The following PRR16 variants were observed in gnomAD, a reference collection of about 807,000 sequenced individuals.
PRR16 encodes protein Largen.
Under a neutral mutation model 18.2 loss-of-function variants are expected in PRR16, and 6 were observed. The ratio of observed to expected loss-of-function variants is 0.33; its 90% CI spans 0.18 to 0.65. The LOEUF is 0.65. Ranked by LOEUF, PRR16 falls within the 30% of genes least tolerant of loss-of-function variation. The pLI, the probability that PRR16 is intolerant of heterozygous loss-of-function variation, is 0.74. For missense variants in PRR16, 412 were observed against 376.6 expected, an observed-to-expected ratio of 1.09 and a Z score of -0.78; for synonymous variants, 151 against 147.8, an observed-to-expected ratio of 1.02 and a Z score of -0.16.
At chr5:120,762,026 A>G in the PRR16 span, among the ~76,000 whole-genome samples, 1 of 152,064 alleles carries the variant, frequency 6.6e-6, no homozygotes, top group Non-Finnish European at 1.5e-5. Context: ...GTTTTCATGC[A>G]TGTTACTGAA....
intron 1 of PRR16, among the ~76,000 whole-genome samples, chr5:120,498,983 T>A (rs547315741): frequency 6.6e-6 from 1 of 152,224 alleles, no homozygotes; most frequent in African/African-American, 2.4e-5. Context: ...TGAGGTTGAT[T>A]ATGAGGTATC....
chr5:120,792,041 A>G, the PRR16 span, among the ~76,000 whole-genome samples: 1 of 152,202 alleles, frequency 6.6e-6, no homozygotes, highest in Non-Finnish European at 1.5e-5. Flanking sequence ...TCATCCATGA[A>G]GCAATCCATG....
Position 120,466,929 on chromosome 5 carries a change from C to T in PRR16, c.159+2284C>T, listed in dbSNP as rs1295826152. Among the ~76,000 whole-genome samples, 11 of 152,104 alleles carry T rather than the reference C, an allele frequency of 7.2e-5. 1 individual carries two copies. The highest frequency in any genetic ancestry group is 7.2e-4 in the Admixed American group (11 of 15,284). ...TGTGGGTATCATCATCCTAGATTTG[C>T]ACAAGAAAATGTACCTACAATGGCC... On this transcript the variant is annotated intron_variant, in intron 1 of 1. Transcript: ENST00000407149.
At chr5:120,685,706 T>C (rs941730368) in intron 1 of PRR16, among the ~76,000 whole-genome samples, 2 of 152,186 alleles carry the variant, frequency 1.3e-5, no homozygotes, top group African/African-American at 4.8e-5. Context: ...GAGTCAGAAA[T>C]AGAATGTATA....
chr5:120,582,883 T>C (rs1184099706), intron 1 of PRR16, among the ~76,000 whole-genome samples: 1 of 152,248 alleles, frequency 6.6e-6, no homozygotes, highest in African/African-American at 2.4e-5. Context: ...TAATAAATCA[T>C]TCTAAAGCAA....
intron 1 of PRR16, among the ~76,000 whole-genome samples, chr5:120,516,253 A>T (rs1015722636): frequency 9.2e-5 from 14 of 152,020 alleles, no homozygotes; most frequent in Admixed American, 6.6e-4. Flanking sequence ...GCGAAACGCC[A>T]TCTCTACCAA....
chr5:120,717,596 C>T, the PRR16 span, among the ~76,000 whole-genome samples: 2 of 152,062 alleles, frequency 1.3e-5, no homozygotes, highest in Admixed American at 6.6e-5. Flanking sequence ...ATATGCAGTC[C>T]TTTTCTTCTT....
chr5:120,694,617 G>A, the PRR16 span, among the ~76,000 whole-genome samples: 4 of 151,314 alleles, frequency 2.6e-5, no homozygotes, highest in African/African-American at 9.7e-5. Context: ...CCCAGGGGGC[G>A]GAGCTTGCAG....
At chr5:120,629,936 T>A (rs1443219540) in intron 1 of PRR16, among the ~76,000 whole-genome samples, 1 of 152,052 alleles carries the variant, frequency 6.6e-6, no homozygotes, top group Non-Finnish European at 1.5e-5. Context: ...TGGCACTTTA[T>A]CTGTCTCCTC....
At chr5:120,541,388 T>G (rs777337724) in intron 1 of PRR16, among the ~76,000 whole-genome samples, 12 of 151,954 alleles carry the variant, frequency 7.9e-5, no homozygotes, top group Non-Finnish European at 1.6e-4. Context: ...TCAGCTGATC[T>G]GCCCACCTCA....
the PRR16 span, among the ~76,000 whole-genome samples, chr5:120,715,159 T>C: frequency 6.6e-6 from 1 of 152,318 alleles, no homozygotes; most frequent in African/African-American, 2.4e-5. Flanking sequence ...TCTCTTTTGT[T>C]ATCATCTCCT....
At chr5:120,584,781 GT>G (rs1353436423) in intron 1 of PRR16, among the ~76,000 whole-genome samples, 5 of 152,088 alleles carry the variant, frequency 3.3e-5, no homozygotes, top group African/African-American at 1.2e-4. Flanking sequence ...TAAAATAGTA[GT>G]CGTCTGTGTT....
At chr5:120,677,098 C>T (rs998041761) in intron 1 of PRR16, among the ~76,000 whole-genome samples, 2 of 152,166 alleles carry the variant, frequency 1.3e-5, no homozygotes, top group African/African-American at 4.8e-5. Flanking sequence ...TACAGTCTAT[C>T]AGAAATACTG....
intron 1 of PRR16, among the ~76,000 whole-genome samples, chr5:120,608,537 A>G (rs1204182702): frequency 6.6e-6 from 1 of 152,218 alleles, no homozygotes; most frequent in African/African-American, 2.4e-5. Flanking sequence ...ACTGCTTAAC[A>G]GTCCAAATGT....
chr5:120,480,741 T>A (rs536787711), intron 1 of PRR16, among the ~76,000 whole-genome samples: 1 of 152,166 alleles, frequency 6.6e-6, no homozygotes, highest in Non-Finnish European at 1.5e-5. Flanking sequence ...ATGAAGAATA[T>A]ATTTAAGTCT....
At position 120,683,337 on chromosome 5, in the gene PRR16, G is replaced by C. The variant is rs561792211; in HGVS notation, c.160-2617G>C. 3.3e-5 allele frequency among the ~76,000 whole-genome samples: 5 copies of C among 151,604 alleles called. No homozygotes were observed. The South Asian group carries it at 1.0e-3, about 32-fold the overall frequency. On this transcript the variant is annotated intron_variant, in intron 1 of 1. Coordinates refer to ENST00000407149, the MANE Select transcript of PRR16 (RefSeq NM_001300783.2). ...GAAATCCCGTCTCTTTTTGTATTTT[G>C]TAAAAATACAAAAAATTAGGTGGGT...
At chr5:120,669,228 A>G (rs1301809245) in intron 1 of PRR16, among the ~76,000 whole-genome samples, 1 of 152,088 alleles carries the variant, frequency 6.6e-6, no homozygotes, top group African/African-American at 2.4e-5. Flanking sequence ...CCAGTGTTTG[A>G]ATATCTGTAA....
chr5:120,792,309 C>A, the PRR16 span, among the ~76,000 whole-genome samples: 2 of 152,144 alleles, frequency 1.3e-5, no homozygotes, highest in African/African-American at 4.8e-5. Context: ...GAGTTAGAGA[C>A]TGGAGGTGGC....
At chr5:120,712,503 C>T in the PRR16 span, among the ~76,000 whole-genome samples, 18 of 151,492 alleles carry the variant, frequency 1.2e-4, no homozygotes, top group Non-Finnish European at 2.5e-4. Context: ...AAGTAATCAA[C>T]AAAAAGAAGG....
Sources: allele counts gnomAD v4.1 joint callset (sites outside exome capture counted in the v4.1 genomes callset), GRCh38; gene constraint gnomAD v4.1.1; transcripts MANE v1.5; gene names NCBI Gene and HGNC (gene_info 2026-07-23, HGNC 2026-07-21).